SSC5D: variants seen among roughly 807,000 people sequenced by gnomAD.
SSC5D encodes the protein soluble scavenger receptor cysteine-rich domain-containing protein SSC5D.
A neutral mutation model predicts 104.6 loss-of-function variants in SSC5D; 106 were observed. The ratio of observed to expected loss-of-function variants is 1.01; its 90% CI spans 0.87 to 1.19. The LOEUF (loss-of-function observed/expected upper bound fraction) is 1.19, where lower values mean the gene tolerates loss of function less well. Among genes scored for constraint, SSC5D ranks in the 50% most tolerant of loss-of-function variants. The pLI, the probability that SSC5D is intolerant of heterozygous loss-of-function variation, is 0.00. For synonymous variants in SSC5D, 860 were observed against 883.5 expected (o/e 0.97, Z 0.47); for missense variants, 1,993 against 2,153.8 (o/e 0.93, Z 1.48).
intron 12 of SSC5D, among the ~76,000 whole-genome samples, chr19:55,511,932 G>C (rs1376986502): frequency 6.6e-6 from 1 of 152,144 alleles, no homozygotes; most frequent in African/African-American, 2.4e-5. Context: ...GGTGATGAAA[G>C]TGTTCTCAAT....
At chr19:55,501,760 C>T (rs553832210) in intron 12 of SSC5D, among the ~76,000 whole-genome samples, 4 of 152,348 alleles carry the variant, frequency 2.6e-5, no homozygotes, top group East Asian at 1.9e-4. Context: ...CCTGGGACCA[C>T]GCCCCGCTTT....
chr19:55,506,372 G>GTTT (rs1987634934), intron 12 of SSC5D, among the ~76,000 whole-genome samples: 1 of 120,542 alleles, frequency 8.3e-6, no homozygotes, highest in African/African-American at 3.6e-5. Flanking sequence ...GTGGAATTTG[G>GTTT]ATTTTTTTTT....
intron 12 of SSC5D, among the ~76,000 whole-genome samples, chr19:55,505,114 T>C (rs1200216497): frequency 6.6e-6 from 1 of 151,730 alleles, no homozygotes; most frequent in African/African-American, 2.4e-5. Context: ...TTAGAACTAG[T>C]TGGGTGACTG....
intron 12 of SSC5D, chr19:55,504,436 AGCAATGTAACC>A (rs55938772): frequency 0.57 from 494,832 of 866,772 alleles, 145,882 homozygotes; most frequent in Middle Eastern, 0.64. Context: ...TAGCTTCAGG[AGCAATGTAACC>A]TTGAAAAAGT....
chr19:55,500,478 C>T lies in SSC5D; in HGVS notation c.2303-12C>T. On this transcript the variant is annotated splice_polypyrimidine_tract_variant and intron_variant, in intron 10 of 13. Transcript: ENST00000389623. The surrounding 1 kb of genome is among the most constrained non-coding windows in gnomAD (Gnocchi z 4.6). ...CTGACCCTCCCTCCTGACCTAAGGGCCTTCCACGCAGGCCTGTTCCGGGTT... is the reference window on the plus strand; with the variant it reads ...CTGACCCTCCCTCCTGACCTAAGGGTCTTCCACGCAGGCCTGTTCCGGGTT... 1 of 1,550,496 alleles carries T rather than the reference C, an allele frequency of 6.4e-7. No individual in the cohort carries two copies. The highest frequency in any genetic ancestry group is 8.7e-7 in the Non-Finnish European group (1 of 1,146,162).
intron 8 of SSC5D, among the ~76,000 whole-genome samples, chr19:55,495,233 A>ATATATAT (rs1555765051): frequency 5.9e-5 from 3 of 50,668 alleles, no homozygotes; most frequent in South Asian, 7.1e-4. Context: ...ATATATATAT[A>ATATATAT]TTTTTTTTTT....
intron 13 of SSC5D, among the ~76,000 whole-genome samples, chr19:55,515,575 A>G (rs1204232425): frequency 1.3e-5 from 2 of 151,562 alleles, no homozygotes; most frequent in African/African-American, 4.8e-5. Context: ...TACTAAAAAT[A>G]CAAAAAATTA....
chr19:55,498,936 G>A (rs1032617710), intron 9 of SSC5D, among the ~76,000 whole-genome samples: 1 of 152,238 alleles, frequency 6.6e-6, no homozygotes, highest in African/African-American at 2.4e-5. Flanking sequence ...TCAGGAGACA[G>A]TAGGTGTGAG....
At position 55,501,153 on chromosome 19, in the gene SSC5D, C is replaced by T. The variant is rs1339054992; in HGVS notation, c.2737C>T (p.Arg913Trp). The change falls in exon 12 of 14, where the codon CGG (arginine) becomes TGG (tryptophan). Residue 913 changes from arginine to tryptophan, a missense_variant. Arg to Trp is a moderately radical substitution (Grantham distance 101). Transcript: ENST00000389623. Reference protein sequence around the residue: ...PGHTLPWRTTRRPGSSSPAIR... With the variant: ...PGHTLPWRTTWRPGSSSPAIR... The stretch of plus-strand genomic sequence containing the variant: ...ACACACTCTCCCCTGGAGGACCACC[C>T]GGCGCCCGGGTAGCTCCTCCCCAGC... The T allele has an allele frequency of 1.2e-5, 19 of 1,548,568 alleles. 1 individual carries two copies. The highest frequency in any genetic ancestry group is 1.7e-4 in the Middle Eastern group (1 of 5,990).
intron 12 of SSC5D, 139 bp from the exon 13 acceptor site, chr19:55,512,872 G>A (rs1486226067): frequency 3.0e-6 from 3 of 1,014,542 alleles, no homozygotes; most frequent in African/African-American, 3.2e-5. Flanking sequence ...AGGTCTCCAC[G>A]AGGTCAGGTA....
intron 8 of SSC5D, among the ~76,000 whole-genome samples, chr19:55,497,028 G>A (rs1462953896): frequency 6.6e-6 from 1 of 152,182 alleles, no homozygotes; most frequent in Admixed American, 6.5e-5. Context: ...CCACAGTGCT[G>A]GAATTAACAG....
chr19:55,506,910 T>C (rs1987648564), intron 12 of SSC5D, among the ~76,000 whole-genome samples: 1 of 150,850 alleles, frequency 6.6e-6, no homozygotes, highest in African/African-American at 2.4e-5. Flanking sequence ...CTCATGTCTG[T>C]AATCCCAGCA....
Position 55,513,081 on chromosome 19 carries a change from C to A in SSC5D, c.2856C>A (p.Thr952=), listed in dbSNP as rs185597506. 1.9e-4 allele frequency: 292 copies of A among 1,551,188 alleles called. No homozygotes were observed. The African/African-American group carries it at 3.7e-3, about 19-fold the overall frequency. Residue 952 remains threonine, a synonymous_variant, in exon 13 of 14, where the codon ACC becomes ACA. Transcript: ENST00000389623. The part of the protein sequence containing the change: ...TPSGRGLAEG[T]PTAGKLGPTL... ...CAGGAAGGGGCCTGGCTGAGGGGAC[C>A]CCTACCGCAGGCAAACTAGGACCAA...
chr19:55,489,273 G>T, intron 2 of SSC5D, 81 bp from the exon 3 acceptor site: 1 of 1,377,880 alleles, frequency 7.3e-7, no homozygotes. Flanking sequence ...CTGCAGGACA[G>T]CCACCTGCCC....
In SSC5D at chr19:55,500,723, G is replaced by A. The variant is rs1204581104; in HGVS notation, c.2536G>A (p.Ala846Thr). The A allele has an allele frequency of 3.2e-6, 5 of 1,551,692 alleles. No individual in the cohort carries two copies. The highest frequency in any genetic ancestry group is 4.4e-6 in the Non-Finnish European group (5 of 1,146,990). The change falls in exon 11 of 14, where the codon GCC (alanine) becomes ACC (threonine). Residue 846 changes from alanine to threonine, a missense_variant. Physicochemically the swap from Ala to Thr is moderately conservative, Grantham distance 58. Coordinates refer to ENST00000389623, the MANE Select transcript of SSC5D (RefSeq NM_001144950.2). The surrounding 1 kb of genome is among the most constrained non-coding windows in gnomAD (Gnocchi z 4.6). ...LDDMGCKGSE[A>T]SLSDCPSGAW... is the part of the protein sequence containing the mutation. ...TGACATGGGCTGTAAGGGAAGCGAG[G>A]CCTCACTGAGCGACTGCCCCTCGGG...
intron 13 of SSC5D, among the ~76,000 whole-genome samples, chr19:55,514,182 G>A (rs1284505960): frequency 6.6e-6 from 1 of 151,216 alleles, no homozygotes; most frequent in Non-Finnish European, 1.5e-5. Flanking sequence ...GAGGCGGGCA[G>A]ATCACGAGGT....
In SSC5D at chr19:55,500,004, G is replaced by C. The variant is rs774681884; in HGVS notation, c.1894G>C (p.Val632Leu). 15 of 1,551,766 alleles carry C rather than the reference G, an allele frequency of 9.7e-6. No individual in the cohort carries two copies. Among genetic ancestry groups the C allele is most frequent in the Non-Finnish European group, 1.3e-5 (15 of 1,147,000 alleles). The change falls in exon 10 of 14, where the codon GTG (valine) becomes CTG (leucine). Residue 632 changes from valine to leucine, a missense_variant. Physicochemically the swap from Val to Leu is conservative, Grantham distance 32. Around this residue, in one of 6 missense-constraint regions of SSC5D, gnomAD observed 1,101 missense variants for 1,085.0 expected, o/e 1.01. Coordinates refer to ENST00000389623, the MANE Select transcript of SSC5D (RefSeq NM_001144950.2). This position sits in a 1 kb window ranked among gnomAD's most constrained non-coding sequence, Gnocchi z 4.6. Reference sequence around the variant, plus strand: ...AATGCCTAAGAGTACTAAGAAGTGGGTGACAAAAAATGCAAAGAGACCAAC... The same window carrying C: ...AATGCCTAAGAGTACTAAGAAGTGGCTGACAAAAAATGCAAAGAGACCAAC... The part of the protein sequence containing the change: ...GKMPKSTKKW[V>L]TKNAKRPTTQ...
intron 12 of SSC5D, among the ~76,000 whole-genome samples, chr19:55,512,759 A>G (rs1230376527): frequency 6.6e-6 from 1 of 152,162 alleles, no homozygotes; most frequent in Non-Finnish European, 1.5e-5. Context: ...CTGGGATTAC[A>G]AGCTTGAGCC....
chr19:55,494,361 C>T (rs1317606379), intron 7 of SSC5D, among the ~76,000 whole-genome samples: 1 of 151,790 alleles, frequency 6.6e-6, no homozygotes, highest in Non-Finnish European at 1.5e-5. Flanking sequence ...ATAAGGTCAC[C>T]CCCCGCTTCT....
Sources: gnomAD v4.1 joint callset for allele counts (sites outside exome capture counted in the v4.1 genomes callset) on GRCh38, gnomAD v4.1.1 for gene constraint, gnomAD v4.1.1 regional missense constraint, Gnocchi (gnomAD v3.1) non-coding constraint, MANE v1.5 for transcripts, NCBI Gene and HGNC (gene_info 2026-07-23, HGNC 2026-07-21) for gene names.